The following SGF29 variants were observed in gnomAD, a reference collection of about 807,000 sequenced individuals.
SGF29 encodes SAGA-associated factor 29.
Under a neutral mutation model 38.1 loss-of-function variants are expected in SGF29, and 15 were observed. The ratio of observed to expected loss-of-function variants is 0.39; its 90% confidence interval spans 0.26 to 0.61. SGF29 has a LOEUF of 0.61. SGF29 is among the 20% of genes least tolerant of loss of function. SGF29 has a pLI of 0.49. For synonymous variants in SGF29, 151 were observed against 160.8 expected, an observed-to-expected ratio of 0.94 and a Z score of 0.46; for missense variants, 184 against 394.6, an observed-to-expected ratio of 0.47 and a Z score of 4.52.
intron 1 of SGF29, among the ~76,000 whole-genome samples, chr16:28,569,979 T>C (rs1036905339): frequency 1.3e-5 from 2 of 152,214 alleles, no homozygotes; most frequent in Admixed American, 1.3e-4. Context: ...TACCCCCACC[T>C]AGATTGTAAA....
At chr16:28,591,139 G>A (rs1487991100) in intron 9 of SGF29, among the ~76,000 whole-genome samples, 2 of 152,126 alleles carry the variant, frequency 1.3e-5, no homozygotes, top group Non-Finnish European at 2.9e-5. Context: ...GGCAAGCCCC[G>A]AGTCAGTGGC....
At chr16:28,572,306 G>C (rs1186194699) in intron 1 of SGF29, among the ~76,000 whole-genome samples, 1 of 151,292 alleles carries the variant, frequency 6.6e-6, no homozygotes, top group African/African-American at 2.4e-5. Context: ...CGGAGCTCTT[G>C]TTGCCCAGGC....
At chr16:28,588,245 CTGGGGCTTCA>C (rs1190012324) in intron 4 of SGF29, among the ~76,000 whole-genome samples, 2 of 152,162 alleles carry the variant, frequency 1.3e-5, no homozygotes, top group Non-Finnish European at 2.9e-5. Context: ...CAGAGGCTTC[CTGGGGCTTCA>C]AGGCCATGCA....
At chr16:28,576,715 A>G (rs1403376273) in intron 1 of SGF29, among the ~76,000 whole-genome samples, 1 of 152,192 alleles carries the variant, frequency 6.6e-6, no homozygotes, top group Non-Finnish European at 1.5e-5. Context: ...AGAAAAACAA[A>G]GAAAACGTGC....
chr16:28,572,603 A>G (rs921149354), intron 1 of SGF29, among the ~76,000 whole-genome samples: 8 of 152,200 alleles, frequency 5.3e-5, no homozygotes, highest in African/African-American at 1.9e-4. Context: ...TGCAGAGTCC[A>G]TGTCAGTTCT....
intron 1 of SGF29, among the ~76,000 whole-genome samples, chr16:28,566,724 G>T (rs1318101292): frequency 6.6e-6 from 1 of 151,274 alleles, no homozygotes; most frequent in East Asian, 2.0e-4. Context: ...AGCAGAGGTT[G>T]CAGTGAGCCA....
At chr16:28,578,896 C>T (rs886786794) in intron 1 of SGF29, among the ~76,000 whole-genome samples, 5 of 152,122 alleles carry the variant, frequency 3.3e-5, no homozygotes, top group East Asian at 1.9e-4. Context: ...GAGCAGAGAT[C>T]GCACCGCTGC....
At position 28,590,308 on chromosome 16, in the gene SGF29, C is replaced by T. The variant is rs1046436053; in HGVS notation, c.432C>T (p.Leu144=). 3 of 1,610,724 alleles carry T rather than the reference C, an allele frequency of 1.9e-6. No homozygotes were observed. Among genetic ancestry groups the T allele is most frequent in the African/African-American group, 1.3e-5 (1 of 75,010 alleles). ...IGKPGDKPPP[L]CGAIPASGDY... Reference sequence around the variant, plus strand: ...GTTCCACTCACAGGCCCCCACCCCTCTGTGGGGCCATCCCTGCCTCAGGAG... The same window carrying T: ...GTTCCACTCACAGGCCCCCACCCCTTTGTGGGGCCATCCCTGCCTCAGGAG... Residue 144 remains leucine (L), a synonymous_variant, in exon 7 of 10, where the codon CTC becomes CTT. Transcript: ENST00000317058. The surrounding 1 kb of genome is among the most constrained non-coding windows in gnomAD (Gnocchi z 8.2).
chr16:28,564,737 G>GTATATATATACATA (rs1555474919), intron 1 of SGF29, among the ~76,000 whole-genome samples: 2 of 11,340 alleles, frequency 1.8e-4, no homozygotes, highest in African/African-American at 4.6e-4. Flanking sequence ...ACATATATAT[G>GTATATATATACATA]TATATATGTA....
chr16:28,588,580 TTG>T, intron 4 of SGF29: 1 of 433,414 alleles, frequency 2.3e-6, no homozygotes, highest in South Asian at 1.7e-5. Context: ...CTTTTTTTTT[TTG>T]AAATGGAGTT....
chr16:28,585,396 T>A, intron 3 of SGF29: 1 of 572,062 alleles, frequency 1.7e-6, no homozygotes, highest in East Asian at 2.9e-5. Context: ...AAATATTTTC[T>A]GTGAGTGTCA....
At chr16:28,583,424 G>A (rs2046938076) in intron 2 of SGF29, among the ~76,000 whole-genome samples, 1 of 152,160 alleles carries the variant, frequency 6.6e-6, no homozygotes, top group Admixed American at 6.6e-5. Flanking sequence ...TATAGGGTGG[G>A]GTTACACAGG....
At chr16:28,574,107 G>C (rs752035095) in intron 1 of SGF29, among the ~76,000 whole-genome samples, 3 of 152,170 alleles carry the variant, frequency 2.0e-5, no homozygotes, top group Non-Finnish European at 4.4e-5. Context: ...ATTCGACTTG[G>C]GCACAAGGCA....
Position 28,583,866 on chromosome 16 carries a change from G to A in SGF29, c.76-1047G>A, listed in dbSNP as rs557438109. ...TTTTCCAAGATTGGGGATAATCTGG[G>A]TCCCGTGAATTTCCATATGAATTTT... On this transcript the variant is annotated intron_variant, in intron 2 of 9. Coordinates refer to ENST00000317058, the MANE Select transcript of SGF29 (RefSeq NM_138414.3). Among the ~76,000 whole-genome samples the A allele has an allele frequency of 1.5e-4, 23 of 152,128 alleles. No homozygotes were observed. In the South Asian group the frequency reaches 4.8e-3, roughly 32 times the overall value.
In SGF29 at chr16:28,591,736, C is replaced by T. The variant is rs186697957; in HGVS notation, c.*30C>T. On this transcript the variant is annotated 3_prime_UTR_variant, in exon 10 of 10. Transcript: ENST00000317058. ...GCCTGGCAGACTCGCCATCCCCCAA[C>T]GACACAGGGCAGGACAGCAGAGGAC... is the stretch of plus-strand genomic sequence containing the variant. 1.3e-4 allele frequency: 195 copies of T among 1,530,810 alleles called. No homozygotes were observed. In the East Asian group the frequency reaches 2.0e-3, roughly 16 times the overall value. 94.8% of individuals were successfully genotyped at this position (1,530,810 alleles called of 1,614,324 possible).
intron 1 of SGF29, among the ~76,000 whole-genome samples, chr16:28,557,975 T>G (rs1305448312): frequency 2.8e-5 from 4 of 144,512 alleles, no homozygotes; most frequent in African/African-American, 7.8e-5. Context: ...GTTTTTTTTT[T>G]TTTTTTTTTT....
At chr16:28,579,110 G>A (rs931467607) in intron 1 of SGF29, among the ~76,000 whole-genome samples, 1 of 151,448 alleles carries the variant, frequency 6.6e-6, no homozygotes, top group Admixed American at 6.6e-5. Flanking sequence ...TAAGATGCAG[G>A]CTATTGTGCA....
intron 1 of SGF29, among the ~76,000 whole-genome samples, chr16:28,560,066 C>T (rs2046776819): frequency 6.6e-6 from 1 of 151,404 alleles, no homozygotes; most frequent in Non-Finnish European, 1.5e-5. Context: ...ATAGCAGAAC[C>T]CCTTCTCTAC....
At chr16:28,568,704 A>G (rs1040586710) in intron 1 of SGF29, among the ~76,000 whole-genome samples, 3 of 152,082 alleles carry the variant, frequency 2.0e-5, no homozygotes, top group Admixed American at 2.0e-4. Context: ...CACGAGGTCA[A>G]GAGATCGAGA....
Sources: gnomAD v4.1 joint callset for allele counts (sites outside exome capture counted in the v4.1 genomes callset) on GRCh38, gnomAD v4.1.1 for gene constraint, Gnocchi (gnomAD v3.1) non-coding constraint, MANE v1.5 for transcripts, NCBI Gene and HGNC (gene_info 2026-07-23, HGNC 2026-07-21) for gene names.